Variants in CRPPA observed in about 807,000 individuals in gnomAD.
CRPPA encodes D-ribitol-5-phosphate cytidylyltransferase.
Under a neutral mutation model 52.0 loss-of-function variants are expected in CRPPA, and 43 were observed. That is an observed-to-expected ratio of 0.83 (90% CI 0.65 to 1.07). CRPPA has a LOEUF of 1.07. CRPPA is among the 50% of genes least tolerant of loss of function. The pLI is 0.00. For missense variants in CRPPA, 629 were observed against 551.7 expected (o/e 1.14, Z -1.40); for synonymous variants, 250 against 203.5 (o/e 1.23, Z -1.94).
At chr7:16,264,633 C>A (rs972513055) in intron 6 of CRPPA, among the ~76,000 whole-genome samples, 1 of 152,192 alleles carries the variant, frequency 6.6e-6, no homozygotes, top group Non-Finnish European at 1.5e-5. Flanking sequence ...CATCTTTTTA[C>A]AGAAAACGTT....
At chr7:16,239,723 C>A (rs1285937772) in intron 8 of CRPPA, among the ~76,000 whole-genome samples, 1 of 152,112 alleles carries the variant, frequency 6.6e-6, no homozygotes, top group Non-Finnish European at 1.5e-5. Context: ...CTGTGCATTT[C>A]ATCTTAAATG....
intron 1 of CRPPA, among the ~76,000 whole-genome samples, chr7:16,414,949 C>T (rs1395067481): frequency 1.3e-5 from 2 of 152,190 alleles, no homozygotes; most frequent in African/African-American, 4.8e-5. Flanking sequence ...TATACTAATA[C>T]ATATGTCTAT....
At chr7:16,121,494 A>G (rs1178994742) in intron 9 of CRPPA, among the ~76,000 whole-genome samples, 1 of 152,112 alleles carries the variant, frequency 6.6e-6, no homozygotes, top group Admixed American at 6.5e-5. Flanking sequence ...AATAATAATA[A>G]AAACCTTAAC....
intron 9 of CRPPA, among the ~76,000 whole-genome samples, chr7:16,094,722 T>C (rs1372096330): frequency 1.3e-5 from 2 of 152,096 alleles, no homozygotes; most frequent in East Asian, 3.9e-4. Context: ...TTCTTGAAAT[T>C]ATGTGAAAAT....
At chr7:16,318,233 T>C (rs1785188551) in intron 3 of CRPPA, among the ~76,000 whole-genome samples, 1 of 152,146 alleles carries the variant, frequency 6.6e-6, no homozygotes, top group African/African-American at 2.4e-5. Flanking sequence ...ATTTTATTAG[T>C]AGCACCCCAA....
intron 2 of CRPPA, among the ~76,000 whole-genome samples, chr7:16,382,415 G>T (rs145715841): frequency 1.2e-4 from 18 of 152,170 alleles, no homozygotes; most frequent in Non-Finnish European, 2.4e-4. Flanking sequence ...CTCTCTGGCT[G>T]CCCTTAACAT....
intron 1 of CRPPA, among the ~76,000 whole-genome samples, chr7:16,411,419 A>T (rs1788074787): frequency 6.6e-6 from 1 of 152,154 alleles, no homozygotes; most frequent in South Asian, 2.1e-4. Flanking sequence ...CATTTATATT[A>T]AGGTTGAAAC....
At chr7:16,376,318 T>C (rs1562663004) in intron 2 of CRPPA, 77 bp from the exon 3 acceptor site, 3 of 1,404,864 alleles carry the variant, frequency 2.1e-6, no homozygotes, top group Non-Finnish European at 2.9e-6. Flanking sequence ...AGTATCTCAC[T>C]TTTGACAGAT....
At chr7:16,254,333 CA>C (rs1783553692) in intron 8 of CRPPA, among the ~76,000 whole-genome samples, 1 of 152,110 alleles carries the variant, frequency 6.6e-6, no homozygotes. Flanking sequence ...GACCTGGAAC[CA>C]ACCCAAATGC....
At chr7:16,353,307 G>C (rs911259943) in intron 3 of CRPPA, among the ~76,000 whole-genome samples, 2 of 152,076 alleles carry the variant, frequency 1.3e-5, no homozygotes, top group African/African-American at 2.4e-5. Flanking sequence ...AGCTATGACT[G>C]AGCCACTGTA....
chr7:16,262,004 G>A (rs899887187), intron 6 of CRPPA: 7 of 152,040 alleles, frequency 4.6e-5, no homozygotes, highest in African/African-American at 1.7e-4. Flanking sequence ...AGATATATGA[G>A]GTTGGACTAT....
intron 2 of CRPPA, among the ~76,000 whole-genome samples, chr7:16,383,100 GT>G (rs1248376119): frequency 1.3e-5 from 2 of 152,180 alleles, no homozygotes; most frequent in African/African-American, 2.4e-5. Flanking sequence ...TTTCTGCTCT[GT>G]TTTTTCCCCA....
chr7:16,378,865 T>C (rs548452975), intron 2 of CRPPA, among the ~76,000 whole-genome samples: 2 of 152,334 alleles, frequency 1.3e-5, no homozygotes, highest in Admixed American at 6.5e-5. Flanking sequence ...TGGCCAGTGA[T>C]GGTGAGCATT....
chr7:16,230,660 C>A (rs1457886045), intron 8 of CRPPA, among the ~76,000 whole-genome samples: 1 of 152,094 alleles, frequency 6.6e-6, no homozygotes. Flanking sequence ...GTCACTTGTA[C>A]CACATTTTTT....
intron 9 of CRPPA, among the ~76,000 whole-genome samples, chr7:16,200,351 T>C (rs1053207089): frequency 2.6e-5 from 4 of 152,230 alleles, no homozygotes; most frequent in Non-Finnish European, 5.9e-5. Flanking sequence ...TTGGAAATGT[T>C]AGACTACAAA....
intron 3 of CRPPA, among the ~76,000 whole-genome samples, chr7:16,320,665 G>T (rs559499192): frequency 6.6e-6 from 1 of 152,240 alleles, no homozygotes; most frequent in East Asian, 1.9e-4. Flanking sequence ...ATAGCCCCAT[G>T]CTCACAATGT....
intron 9 of CRPPA, among the ~76,000 whole-genome samples, chr7:16,154,973 CT>C (rs11363510): frequency 0.46 from 58,758 of 126,908 alleles, 12,647 homozygotes; most frequent in East Asian, 0.72. Flanking sequence ...CTAATTTTTT[CT>C]TTTTTTTTTT....
At position 16,324,226 on chromosome 7, in the gene CRPPA, A is replaced by C. The variant is rs1324393204; in HGVS notation, c.685-15599T>G. Among the ~76,000 whole-genome samples the C allele has an allele frequency of 2.6e-5, 4 of 152,174 alleles. No homozygotes were observed. In the East Asian group the frequency reaches 5.8e-4, roughly 22 times the overall value. On this transcript the variant is annotated intron_variant, in intron 3 of 9. Transcript: ENST00000407010. ...TCATGTCCCTCCCTCACTGGCTGAG[A>C]GCTAAGATGTGGTCCCCTAGTCAAG...
At chr7:16,267,207 T>G (rs778325820) in intron 6 of CRPPA, among the ~76,000 whole-genome samples, 13 of 152,230 alleles carry the variant, frequency 8.5e-5, no homozygotes, top group Admixed American at 2.0e-4. Flanking sequence ...AGCCAGACAC[T>G]AAATTGTATA....
Sources: allele counts gnomAD v4.1 joint callset (sites outside exome capture counted in the v4.1 genomes callset), GRCh38; gene constraint gnomAD v4.1.1; transcripts MANE v1.5; gene names NCBI Gene and HGNC (gene_info 2026-07-23, HGNC 2026-07-21).